The following GRID2 variants were observed in gnomAD, a reference collection of about 807,000 sequenced individuals.
The protein encoded by GRID2 is glutamate ionotropic receptor delta type subunit 2, also known as glutamate receptor ionotropic, delta-2.
A neutral mutation model predicts 114.8 loss-of-function variants in GRID2; 33 were observed. The ratio of observed to expected loss-of-function variants is 0.29; its 90% CI spans 0.22 to 0.38. GRID2 has a LOEUF of 0.38. Ranked by LOEUF, GRID2 falls within the 10% of genes least tolerant of loss-of-function variation. The pLI, the probability that GRID2 is intolerant of heterozygous loss-of-function variation, is 1.00. For missense variants in GRID2, 1,184 were observed against 1,257.7 expected, an observed-to-expected ratio of 0.94 and a Z score of 0.89; for synonymous variants, 505 against 449.9, an observed-to-expected ratio of 1.12 and a Z score of -1.55.
chr4:92,787,622 TG>T (rs1162142246), intron 2 of GRID2, among the ~76,000 whole-genome samples: 3 of 152,034 alleles, frequency 2.0e-5, no homozygotes, highest in African/African-American at 7.2e-5. Flanking sequence ...TATAGTTAAC[TG>T]TAAGTGTTTT....
chr4:93,012,619 A>T (rs1195806582), intron 2 of GRID2, among the ~76,000 whole-genome samples: 2 of 152,116 alleles, frequency 1.3e-5, no homozygotes, highest in East Asian at 3.9e-4. Context: ...AAATGGCTTG[A>T]GTTTTTGGAT....
chr4:93,594,162 T>G (rs1738754951), intron 13 of GRID2, among the ~76,000 whole-genome samples: 1 of 151,798 alleles, frequency 6.6e-6, no homozygotes. Flanking sequence ...TTTTCTGTTC[T>G]GTCTTTTCCC....
At chr4:93,427,766 T>C (rs1768995358) in intron 10 of GRID2, among the ~76,000 whole-genome samples, 2 of 152,018 alleles carry the variant, frequency 1.3e-5, no homozygotes, top group Admixed American at 1.3e-4. Context: ...ACTAATAATA[T>C]AGTAAAGTCT....
rs1397600291 is a variant in GRID2, at chr4:93,644,294, T to G, written c.2360+17859T>G. Among the ~76,000 whole-genome samples the G allele has an allele frequency of 4.2e-5, 2 of 48,134 alleles. 1 individual carries two copies. The highest frequency in any genetic ancestry group is 8.2e-5 in the Non-Finnish European group (2 of 24,268). 31.6% of individuals were successfully genotyped at this position (48,134 alleles called of 152,430 possible). On this transcript the variant is annotated intron_variant, in intron 14 of 15. Coordinates refer to ENST00000282020, the MANE Select transcript of GRID2 (RefSeq NM_001510.4). ...CTTCTGCGTCGCTCACGCTGGGAGC[T>G]GTAGACCGGAGCTGTTCCTATTCGG...
At chr4:92,582,977 ACT>A (rs1203339055) in intron 1 of GRID2, among the ~76,000 whole-genome samples, 1 of 151,486 alleles carries the variant, frequency 6.6e-6, no homozygotes, top group Non-Finnish European at 1.5e-5. Context: ...ACAGAGAAAG[ACT>A]CTGTCTCTCT....
chr4:93,613,239 T>C (rs1329272708), intron 13 of GRID2, among the ~76,000 whole-genome samples: 2 of 143,282 alleles, frequency 1.4e-5, no homozygotes, highest in African/African-American at 5.2e-5. Context: ...GTTTTCAACT[T>C]CTTTGCCTTT....
intron 1 of GRID2, among the ~76,000 whole-genome samples, chr4:92,500,505 A>G (rs73837314): frequency 0.02 from 3,005 of 152,260 alleles, 114 homozygotes; most frequent in African/African-American, 0.069. Context: ...TCAGGCTGGC[A>G]TCTGAGTTCT....
At chr4:93,359,907 T>TAAAAAAAAAAA (rs1761730542) in intron 8 of GRID2, among the ~76,000 whole-genome samples, 1 of 85,428 alleles carries the variant, frequency 1.2e-5, no homozygotes, top group Admixed American at 1.2e-4. Context: ...AAAAATGGGG[T>TAAAAAAAAAAA]CAATAATACA....
Position 92,484,308 on chromosome 4 carries a change from C to G in GRID2, c.89-105823C>G, listed in dbSNP as rs1722761606. 2.6e-5 allele frequency among the ~76,000 whole-genome samples: 4 copies of G among 152,096 alleles called. No individual in the cohort carries two copies. The South Asian group carries it at 8.3e-4, about 32-fold the overall frequency. ...GCCTCATCCAAGCTGCATAATGATT[C>G]AGTAATTCCCTTGAAGAAAGTTAGT... On this transcript the variant is annotated intron_variant, in intron 1 of 15. Coordinates refer to ENST00000282020, the MANE Select transcript of GRID2 (RefSeq NM_001510.4).
chr4:92,709,010 T>C (rs999590449), intron 2 of GRID2, among the ~76,000 whole-genome samples: 4 of 152,134 alleles, frequency 2.6e-5, no homozygotes, highest in Non-Finnish European at 5.9e-5. Flanking sequence ...GGCCAGGAAA[T>C]AGAACTCACA....
chr4:93,137,109 A>G (rs748829948), intron 4 of GRID2, among the ~76,000 whole-genome samples: 5 of 152,124 alleles, frequency 3.3e-5, no homozygotes, highest in Admixed American at 6.5e-5. Context: ...TAAATGATGA[A>G]ATTAAGCTTA....
chr4:92,635,003 CA>C (rs1308365823), intron 2 of GRID2, among the ~76,000 whole-genome samples: 1 of 151,954 alleles, frequency 6.6e-6, no homozygotes, highest in African/African-American at 2.4e-5. Context: ...AGCTCTGACC[CA>C]CAGTCACTGT....
At chr4:92,876,227 C>G (rs907964092) in intron 2 of GRID2, among the ~76,000 whole-genome samples, 1 of 151,202 alleles carries the variant, frequency 6.6e-6, no homozygotes, top group East Asian at 1.9e-4. Flanking sequence ...CTGTTTCGAA[C>G]AGCAAATTTA....
chr4:93,259,478 A>G (rs776403774), intron 8 of GRID2, among the ~76,000 whole-genome samples: 1 of 151,806 alleles, frequency 6.6e-6, no homozygotes, highest in African/African-American at 2.4e-5. Flanking sequence ...TATATGTCAA[A>G]TCTTACCAAA....
intron 8 of GRID2, among the ~76,000 whole-genome samples, chr4:93,351,899 G>A (rs1760839277): frequency 6.6e-6 from 1 of 151,974 alleles, no homozygotes; most frequent in Admixed American, 6.6e-5. Context: ...GCTCCTTGAA[G>A]TCAGGGAGAA....
chr4:92,983,103 A>G lies in GRID2; in HGVS notation c.245-101892A>G, dbSNP rs542510725. ...TAATGGTGGTTTTAGGAATATTCCT[A>G]TCTGGGAGTGGATGGAGAAGAGTGT... On this transcript the variant is annotated intron_variant, in intron 2 of 15. Transcript: ENST00000282020. Among the ~76,000 whole-genome samples, 5 of 152,278 alleles carry G rather than the reference A, an allele frequency of 3.3e-5. No homozygotes were observed. In the East Asian group the frequency reaches 9.7e-4, roughly 29 times the overall value.
At chr4:93,627,863 G>A (rs1742865843) in intron 14 of GRID2, among the ~76,000 whole-genome samples, 1 of 152,146 alleles carries the variant, frequency 6.6e-6, no homozygotes, top group Non-Finnish European at 1.5e-5. Context: ...CCCACATATA[G>A]GGAAGGAAGG....
chr4:93,226,033 T>G (rs1745445608), intron 7 of GRID2, among the ~76,000 whole-genome samples: 1 of 152,170 alleles, frequency 6.6e-6, no homozygotes, highest in African/African-American at 2.4e-5. Context: ...CCTCATGATC[T>G]AATCACCTCA....
intron 2 of GRID2, among the ~76,000 whole-genome samples, chr4:92,984,838 T>C (rs1323758626): frequency 1.3e-5 from 2 of 152,118 alleles, no homozygotes; most frequent in Non-Finnish European, 2.9e-5. Context: ...GTTGAGTCTT[T>C]TTCAATATTA....
Sources: gnomAD v4.1 joint callset for allele counts (sites outside exome capture counted in the v4.1 genomes callset) on GRCh38, gnomAD v4.1.1 for gene constraint, MANE v1.5 for transcripts, NCBI Gene and HGNC (gene_info 2026-07-23, HGNC 2026-07-21) for gene names.